NAALAD2: variants seen among roughly 807,000 people sequenced by gnomAD.
NAALAD2 encodes the protein N-acetylated-alpha-linked acidic dipeptidase 2.
Under a neutral mutation model 95.6 loss-of-function variants are expected in NAALAD2, and 89 were observed. The observed-to-expected ratio is 0.93, with a 90% CI of 0.78 to 1.11. NAALAD2 has a LOEUF of 1.11. NAALAD2 is among the 50% of genes least tolerant of loss of function. NAALAD2 has a pLI of 0.00. For synonymous variants in NAALAD2, 264 were observed against 294.4 expected, an observed-to-expected ratio of 0.90 and a Z score of 1.06; for missense variants, 894 against 872.4, an observed-to-expected ratio of 1.02 and a Z score of -0.31.
At chr11:90,176,101 C>G (rs1255088681) in intron 15 of NAALAD2, 39 bp downstream of exon 15, 1 of 1,491,030 alleles carries the variant, frequency 6.7e-7, no homozygotes, top group Non-Finnish European at 9.3e-7. Context: ...AACATTTCAT[C>G]TACAGTCCTT....
chr11:90,190,634 T>C (rs1857295859), intron 18 of NAALAD2, among the ~76,000 whole-genome samples: 1 of 152,134 alleles, frequency 6.6e-6, no homozygotes, highest in South Asian at 2.1e-4. Context: ...AGGATACCAA[T>C]GCTTATAAAC....
At chr11:90,167,132 C>A (rs550308669) in intron 11 of NAALAD2, among the ~76,000 whole-genome samples, 1,944 of 152,326 alleles carry the variant, frequency 0.013, 44 homozygotes, top group African/African-American at 0.045. Context: ...CTGTGGGAGC[C>A]CCTTTCTGGG....
In NAALAD2 at chr11:90,169,916, A is replaced by T. The variant is rs374541587; in HGVS notation, c.1343-153A>T. On this transcript the variant is annotated intron_variant, in intron 12 of 18. Coordinates refer to ENST00000534061, the MANE Select transcript of NAALAD2 (RefSeq NM_005467.4). ...GTGCAGGCTCTCTTGCTCCTGAAGA[A>T]CTATTTCCACCCTGTTTTATTCTTT... Among the ~76,000 whole-genome samples the T allele has an allele frequency of 4.3e-4, 66 of 152,282 alleles. No individual in the cohort carries two copies. In the South Asian group the frequency reaches 0.013, roughly 31 times the overall value.
At position 90,147,491 on chromosome 11, in the gene NAALAD2, C is replaced by A. The variant is rs760348318; in HGVS notation, c.356C>A (p.Ser119Ter). 7 of 1,608,762 alleles carry A rather than the reference C, an allele frequency of 4.4e-6. No homozygotes were observed. The highest frequency in any genetic ancestry group is 5.9e-6 in the Non-Finnish European group (7 of 1,177,960). ...YPNETNANYI[S>*]IVDEHETEIF... ...AATGAGACAAATGCCAACTATATAT[C>A]GATTGTGGATGAACATGAAACTGAG... is the stretch of plus-strand genomic sequence containing the variant. Residue 119 changes from serine to a stop codon, truncating the protein, a stop_gained, in exon 3 of 19, where the codon TCG becomes TAG. Coordinates refer to ENST00000534061, the MANE Select transcript of NAALAD2 (RefSeq NM_005467.4). LOFTEE classifies it high-confidence loss of function.
At chr11:90,144,243 T>A (rs991656325) in intron 2 of NAALAD2, among the ~76,000 whole-genome samples, 15 of 152,202 alleles carry the variant, frequency 9.9e-5, no homozygotes, top group Non-Finnish European at 1.5e-4. Flanking sequence ...TGACAGTACA[T>A]ACCTAGAAGG....
At chr11:90,169,477 G>C (rs1952569569) in intron 12 of NAALAD2, 1 of 150,656 alleles carries the variant, frequency 6.6e-6, no homozygotes. Flanking sequence ...CTGAGCCCAG[G>C]AGTGTAAGCC....
chr11:90,163,992 T>C (rs1423135899), intron 11 of NAALAD2: 3 of 354,268 alleles, frequency 8.5e-6, no homozygotes, highest in Admixed American at 4.4e-5. Context: ...TTTTGAAGTT[T>C]CTTTAGAGTT....
chr11:90,141,232 A>G (rs1267434342), intron 2 of NAALAD2, among the ~76,000 whole-genome samples: 1 of 152,176 alleles, frequency 6.6e-6, no homozygotes, highest in Non-Finnish European at 1.5e-5. Flanking sequence ...TTTTCATTTA[A>G]AATATATAAT....
At chr11:90,139,166 T>G (rs1052841561) in intron 2 of NAALAD2, among the ~76,000 whole-genome samples, 1 of 152,206 alleles carries the variant, frequency 6.6e-6, no homozygotes, top group Non-Finnish European at 1.5e-5. Context: ...AGGTATTTCA[T>G]GACTGCAGGA....
chr11:90,183,617 T>C (rs1857032457), intron 18 of NAALAD2, among the ~76,000 whole-genome samples: 1 of 152,160 alleles, frequency 6.6e-6, no homozygotes, highest in South Asian at 2.1e-4. Flanking sequence ...CAATACACAT[T>C]AAGTAGAAAC....
chr11:90,155,428 A>G (rs1426502451), intron 6 of NAALAD2, among the ~76,000 whole-genome samples: 4 of 108,820 alleles, frequency 3.7e-5, no homozygotes, highest in Non-Finnish European at 6.7e-5. Context: ...CATATTATAC[A>G]TGTAATATAT....
chr11:90,187,681 T>C (rs1025246147), intron 18 of NAALAD2, among the ~76,000 whole-genome samples: 11 of 152,178 alleles, frequency 7.2e-5, no homozygotes, highest in African/African-American at 2.2e-4. Context: ...GTAAATCTTA[T>C]AAAACCTCTA....
At chr11:90,170,570 C>A (rs576085828) in intron 13 of NAALAD2, among the ~76,000 whole-genome samples, 1 of 152,096 alleles carries the variant, frequency 6.6e-6, no homozygotes, top group Admixed American at 6.5e-5. Flanking sequence ...TCACTGAATT[C>A]GAAGACTTTG....
chr11:90,150,417 C>A, intron 4 of NAALAD2, 65 bp from the exon 5 acceptor site: 1 of 1,143,234 alleles, frequency 8.7e-7, no homozygotes, highest in Non-Finnish European at 1.2e-6. Context: ...GTGAAGCAAA[C>A]TTATTTTTTG....
At chr11:90,187,945 G>A (rs1182927212) in intron 18 of NAALAD2, among the ~76,000 whole-genome samples, 1 of 152,150 alleles carries the variant, frequency 6.6e-6, no homozygotes, top group Non-Finnish European at 1.5e-5. Context: ...GACTTTAATT[G>A]AGCAAAGAAT....
upstream of NAALAD2, chr11:90,134,604 A>G (rs1311257729): frequency 4.7e-6 from 3 of 641,464 alleles, no homozygotes; most frequent in Non-Finnish European, 8.1e-6. Context: ...CCTGGGGACC[A>G]CAGGTCCCCA....
chr11:90,149,125 T>G lies in NAALAD2; in HGVS notation c.483+18T>G, dbSNP rs1164972607. On this transcript the variant is annotated intron_variant, in intron 4 of 18. Coordinates refer to ENST00000534061, the MANE Select transcript of NAALAD2 (RefSeq NM_005467.4). Reference sequence around the variant, plus strand: ...TGCCAGAGGTAAAATAAAATACTTTTGTAATCCAAGTCTTTAAATGGTTCT... The same window carrying G: ...TGCCAGAGGTAAAATAAAATACTTTGGTAATCCAAGTCTTTAAATGGTTCT... 2.0e-6 allele frequency: 3 copies of G among 1,493,952 alleles called. No homozygotes were observed. 92.5% of individuals were successfully genotyped at this position (1,493,952 alleles called of 1,614,324 possible). A position where few individuals can be genotyped will look rare whatever the true frequency, so the allele number is the denominator to read the frequency against.
chr11:90,179,823 T>C (rs2134977203), intron 16 of NAALAD2, among the ~76,000 whole-genome samples: 1 of 152,246 alleles, frequency 6.6e-6, no homozygotes, highest in Non-Finnish European at 1.5e-5. Context: ...TTAATTCTTC[T>C]ACCTACTTAC....
At chr11:90,175,131 A>T (rs1374075299) in intron 14 of NAALAD2, among the ~76,000 whole-genome samples, 1 of 152,190 alleles carries the variant, frequency 6.6e-6, no homozygotes, top group Non-Finnish European at 1.5e-5. Flanking sequence ...TTCATATGGG[A>T]TACTCAACTT....
Sources: allele counts gnomAD v4.1 joint callset (sites outside exome capture counted in the v4.1 genomes callset), GRCh38; gene constraint gnomAD v4.1.1; transcripts MANE v1.5; gene names NCBI Gene and HGNC (gene_info 2026-07-23, HGNC 2026-07-21).